PHTF2: variants seen among roughly 807,000 people sequenced by gnomAD.
PHTF2 encodes protein PHTF2.
Under a neutral mutation model 101.2 loss-of-function variants are expected in PHTF2, and 60 were observed. The observed-to-expected ratio is 0.59, with a 90% confidence interval of 0.48 to 0.73. The LOEUF is 0.73. Among genes scored for constraint, PHTF2 ranks in the 30% least tolerant of loss-of-function variants. The probability of loss-of-function intolerance (pLI) is 0.00; values close to 1 mark genes in which losing one functional copy is unlikely to be tolerated. For synonymous variants in PHTF2, 311 were observed against 307.3 expected (o/e 1.01, Z -0.13); for missense variants, 747 against 908.7 (o/e 0.82, Z 2.29).
At chr7:77,904,326 C>G (rs1233422291) in intron 7 of PHTF2, among the ~76,000 whole-genome samples, 1 of 152,158 alleles carries the variant, frequency 6.6e-6, no homozygotes, top group African/African-American at 2.4e-5. Context: ...TCTATGTTCT[C>G]TCAAATTTAG....
chr7:77,819,223 T>C (rs1794082761), intron 1 of PHTF2, among the ~76,000 whole-genome samples: 2 of 152,230 alleles, frequency 1.3e-5, no homozygotes, highest in African/African-American at 4.8e-5. Context: ...GGTTGCCTAT[T>C]ATTTCTTTCT....
intron 3 of PHTF2, among the ~76,000 whole-genome samples, chr7:77,882,929 G>A (rs1799534539): frequency 6.6e-6 from 1 of 152,142 alleles, no homozygotes; most frequent in African/African-American, 2.4e-5. Flanking sequence ...TTAGAGGTGT[G>A]TGTGCATGTG....
chr7:77,947,670 C>G (rs1309344722), intron 16 of PHTF2, among the ~76,000 whole-genome samples: 2 of 151,898 alleles, frequency 1.3e-5, no homozygotes, highest in Non-Finnish European at 2.9e-5. Context: ...GTTGGAATCC[C>G]TTGTAATTAA....
At chr7:77,891,754 T>C (rs1362645284) in intron 3 of PHTF2, among the ~76,000 whole-genome samples, 2 of 152,046 alleles carry the variant, frequency 1.3e-5, no homozygotes, top group Non-Finnish European at 2.9e-5. Context: ...ACCTAGCTAA[T>C]TTTTTAATTT....
intron 3 of PHTF2, among the ~76,000 whole-genome samples, chr7:77,864,449 A>AT (rs569423829): frequency 2.8e-4 from 42 of 152,210 alleles, no homozygotes; most frequent in Non-Finnish European, 5.3e-4. Context: ...TGCAAGGCCT[A>AT]TAACGATTTT....
intron 1 of PHTF2, among the ~76,000 whole-genome samples, chr7:77,821,243 A>T (rs1794266950): frequency 4.0e-5 from 6 of 151,454 alleles, no homozygotes; most frequent in Admixed American, 4.0e-4. Context: ...ATGTGACTTG[A>T]TGTTTTCTCT....
exon 14 of PHTF2, chr7:77,940,056 A>T (rs990827469): frequency 6.2e-7 from 1 of 1,613,360 alleles, no homozygotes. Flanking sequence ...CAGGAATAGG[A>T]TACCAGATTT....
At chr7:77,920,827 A>C (rs1374338748) in intron 10 of PHTF2, among the ~76,000 whole-genome samples, 1 of 151,982 alleles carries the variant, frequency 6.6e-6, no homozygotes, top group African/African-American at 2.4e-5. Flanking sequence ...AACTACAGGC[A>C]TGCGCCACCA....
chr7:77,933,751 C>T (rs1033435010), intron 12 of PHTF2, among the ~76,000 whole-genome samples: 2 of 142,624 alleles, frequency 1.4e-5, no homozygotes, highest in African/African-American at 5.4e-5. Context: ...TATCACACAG[C>T]GTGAGGTACA....
intron 3 of PHTF2, among the ~76,000 whole-genome samples, chr7:77,858,316 A>G (rs866484362): frequency 2.0e-5 from 3 of 152,226 alleles, no homozygotes; most frequent in Middle Eastern, 3.4e-3. Flanking sequence ...TTTGGGTTTT[A>G]GTTTTATTTG....
intron 8 of PHTF2, 45 bp from the exon 8 acceptor site, chr7:77,910,200 T>A: frequency 6.5e-7 from 1 of 1,548,556 alleles, no homozygotes; most frequent in South Asian, 1.2e-5. Context: ...AAGTGGTTAT[T>A]AAAATATTAA....
intron 2 of PHTF2, among the ~76,000 whole-genome samples, chr7:77,854,163 G>A (rs1157117723): frequency 1.3e-5 from 2 of 152,162 alleles, no homozygotes; most frequent in Non-Finnish European, 2.9e-5. Context: ...CTGCATCAGG[G>A]GGCAACCCAA....
intron 11 of PHTF2, chr7:77,924,033 C>A (rs1803725893): frequency 3.2e-6 from 3 of 931,542 alleles, no homozygotes; most frequent in South Asian, 4.9e-5. Flanking sequence ...CTATAAAATT[C>A]TTCGTCTATA....
rs1323755868 is a variant in PHTF2 at position 77,954,853 on chromosome 7, TC to T, written c.2338-4del. On this transcript the variant is annotated splice_polypyrimidine_tract_variant and splice_region_variant and intron_variant, in intron 19 of 19. Transcript: ENST00000416283. ...TTGTCACCACTTCTATTTTTTTTTT[TC>T]TAGCTATGGAAGATTAAGTCATGAC... 6.7e-7 allele frequency: 1 copy of T among 1,498,296 alleles called. No homozygotes were observed. Among genetic ancestry groups the T allele is most frequent in the South Asian group, 1.2e-5 (1 of 83,286 alleles). 92.8% of individuals were successfully genotyped at this position (1,498,296 alleles called of 1,614,324 possible). A position where few individuals can be genotyped will look rare whatever the true frequency, so the allele number is the denominator to read the frequency against.
chr7:77,932,605 AGAGAGAGAGAGAGAGAGTGTGTGTGT>A (rs1261976864), intron 12 of PHTF2, among the ~76,000 whole-genome samples: 8 of 74,570 alleles, frequency 1.1e-4, no homozygotes, highest in Admixed American at 9.8e-4. Context: ...AGAGAGAAAG[AGAGAGAGAGAGAGAGAGTGTGTGTGT>A]GTGTGTGTGT....
intron 12 of PHTF2, among the ~76,000 whole-genome samples, chr7:77,932,617 AGAGAGTGTGTGTGTGTGTGTGT>A (rs1804701619): frequency 1.6e-5 from 2 of 124,876 alleles, no homozygotes; most frequent in African/African-American, 6.3e-5. Flanking sequence ...AGAGAGAGAG[AGAGAGTGTGTGTGTGTGTGTGT>A]GTGTGTGTGT....
At chr7:77,952,119 A>G (rs944855066) in intron 18 of PHTF2, among the ~76,000 whole-genome samples, 1 of 152,146 alleles carries the variant, frequency 6.6e-6, no homozygotes, top group African/African-American at 2.4e-5. Context: ...CATAATAAAT[A>G]TGTGTCATAA....
At chr7:77,812,593 CTTT>C (rs1163639676) in intron 1 of PHTF2, among the ~76,000 whole-genome samples, 1 of 143,344 alleles carries the variant, frequency 7.0e-6, no homozygotes. Flanking sequence ...TCTTTTTTTA[CTTT>C]TTTTTTTTTT....
At chr7:77,942,817 C>T (rs1238928487) in intron 16 of PHTF2, 31 bp downstream of exon 15, 1 of 977,996 alleles carries the variant, frequency 1.0e-6, no homozygotes, top group South Asian at 1.6e-5. Flanking sequence ...TAGAAATTAA[C>T]CAGATATATA....
Sources: allele counts gnomAD v4.1 joint callset (sites outside exome capture counted in the v4.1 genomes callset), GRCh38; gene constraint gnomAD v4.1.1; transcripts MANE v1.5; gene names NCBI Gene and HGNC (gene_info 2026-07-23, HGNC 2026-07-21).